PSD3: variants seen among roughly 807,000 people sequenced by gnomAD.
PSD3 encodes the protein pleckstrin and Sec7 domain containing 3, also known as PH and SEC7 domain-containing protein 3.
PSD3 carries 49 observed loss-of-function variants against 105.5 expected under a neutral mutation model. That is an observed-to-expected ratio of 0.46 (90% CI 0.37 to 0.59). The LOEUF (loss-of-function observed/expected upper bound fraction) is 0.59. PSD3 is among the 20% of genes least tolerant of loss of function. The pLI is 0.00. For synonymous variants in PSD3, 557 were observed against 457.8 expected (o/e 1.22, Z -2.77); for missense variants, 1,561 against 1,263.8 (o/e 1.24, Z -3.57).
intron 2 of PSD3, among the ~76,000 whole-genome samples, chr8:18,911,601 G>A (rs1299181253): frequency 2.0e-5 from 3 of 152,182 alleles, no homozygotes; most frequent in Non-Finnish European, 4.4e-5. Context: ...GTTCCTAGCA[G>A]AGTGTCTGTT....
chr8:18,753,283 G>A (rs1052304020), intron 9 of PSD3, among the ~76,000 whole-genome samples: 2 of 151,826 alleles, frequency 1.3e-5, no homozygotes, highest in Non-Finnish European at 2.9e-5. Flanking sequence ...GAACCCAGGA[G>A]GTGGAAGTTG....
chr8:18,539,305 G>C lies in PSD3; in HGVS notation c.2929-3347C>G, dbSNP rs138561409. On this transcript the variant is annotated intron_variant, in intron 15 of 15. Transcript: ENST00000327040. ...ATGATGCTCTGGAGAGCAAGGGCAA[G>C]AAACATAACTGAAATTTCTCTCTTC... Among the ~76,000 whole-genome samples, 1,221 of 152,284 alleles carry C rather than the reference G, an allele frequency of 8.0e-3. 13 individuals are homozygous for C. Among genetic ancestry groups the C allele is most frequent in the Admixed American group, 0.011 (162 of 15,290 alleles).
At chr8:18,812,725 G>A (rs1487752) in intron 4 of PSD3, among the ~76,000 whole-genome samples, 136,346 of 152,254 alleles carry the variant, frequency 0.9, 61,229 homozygotes, top group African/African-American at 0.94. Flanking sequence ...GATGTCCATT[G>A]GCTATCCAAG....
intron 9 of PSD3, among the ~76,000 whole-genome samples, chr8:18,689,308 T>A (rs1476981798): frequency 6.6e-6 from 1 of 152,104 alleles, no homozygotes; most frequent in African/African-American, 2.4e-5. Flanking sequence ...CTTCAGAGTA[T>A]CAATGAACTG....
chr8:18,610,372 T>C (rs28658562), intron 11 of PSD3, among the ~76,000 whole-genome samples: 2,113 of 152,216 alleles, frequency 0.014, 46 homozygotes, highest in African/African-American at 0.048. Context: ...CACTGCTGAG[T>C]GTTCGAACTG....
At chr8:19,022,138 G>A (rs1442728650) in intron 1 of PSD3, among the ~76,000 whole-genome samples, 1 of 152,164 alleles carries the variant, frequency 6.6e-6, no homozygotes, top group Admixed American at 6.5e-5. Context: ...CAGATCTCAT[G>A]TGAACTCAGA....
intron 6 of PSD3, chr8:18,802,296 A>G: frequency 2.5e-6 from 1 of 406,356 alleles, no homozygotes; most frequent in South Asian, 1.8e-5. Flanking sequence ...CACTAAGAGC[A>G]CTGTTTATTT....
chr8:18,571,794 T>C (rs1171593233), intron 14 of PSD3, among the ~76,000 whole-genome samples: 5 of 152,228 alleles, frequency 3.3e-5, no homozygotes, highest in African/African-American at 1.2e-4. Context: ...ACTGTCTCTA[T>C]GTAATAAGAA....
chr8:18,910,431 G>C (rs1820133529), intron 2 of PSD3, among the ~76,000 whole-genome samples: 1 of 110,558 alleles, frequency 9.0e-6, no homozygotes, highest in Non-Finnish European at 1.8e-5. Context: ...GGTGGGAATT[G>C]AACAATGAGA....
chr8:18,927,631 A>G (rs571991162), intron 2 of PSD3, among the ~76,000 whole-genome samples: 5 of 152,220 alleles, frequency 3.3e-5, no homozygotes, highest in Non-Finnish European at 7.4e-5. Flanking sequence ...GTAGCCACTG[A>G]CCCGGGGGCT....
chr8:18,812,226 G>A (rs756256721), intron 4 of PSD3, among the ~76,000 whole-genome samples: 3 of 152,150 alleles, frequency 2.0e-5, no homozygotes. Flanking sequence ...CAGATGATGA[G>A]GAGAGCTGTG....
intron 12 of PSD3, among the ~76,000 whole-genome samples, chr8:18,575,639 G>C (rs1481567726): frequency 6.6e-6 from 1 of 152,172 alleles, no homozygotes; most frequent in Non-Finnish European, 1.5e-5. Context: ...GACCAATAGT[G>C]TGATTTGGTT....
chr8:18,869,175 C>A (rs1005863272), intron 3 of PSD3, among the ~76,000 whole-genome samples: 2 of 147,554 alleles, frequency 1.4e-5, no homozygotes, highest in African/African-American at 2.5e-5. Context: ...ACTCACTGCA[C>A]CCCACTCTCC....
chr8:18,905,454 G>A (rs537213351), intron 2 of PSD3, among the ~76,000 whole-genome samples: 1 of 152,152 alleles, frequency 6.6e-6, no homozygotes, highest in Non-Finnish European at 1.5e-5. Flanking sequence ...CACCTGAGTA[G>A]CTGGGACTAC....
chr8:18,961,627 G>A (rs967173393), intron 1 of PSD3, among the ~76,000 whole-genome samples: 2 of 151,886 alleles, frequency 1.3e-5, no homozygotes, highest in African/African-American at 4.8e-5. Context: ...GGAGGCGGAG[G>A]TTGCAGCGAG....
intron 15 of PSD3, among the ~76,000 whole-genome samples, chr8:18,536,810 G>A (rs1183043850): frequency 6.7e-6 from 1 of 149,918 alleles, no homozygotes; most frequent in African/African-American, 2.5e-5. Flanking sequence ...CATATATGTT[G>A]CAAATTAGAG....
At chr8:18,726,085 CAG>C (rs1803316548) in intron 9 of PSD3, among the ~76,000 whole-genome samples, 1 of 152,150 alleles carries the variant, frequency 6.6e-6, no homozygotes, top group African/African-American at 2.4e-5. Context: ...TATTGAAAGA[CAG>C]AAGACAAACA....
chr8:18,579,128 A>ACACACACACC (rs1193122913), intron 12 of PSD3, among the ~76,000 whole-genome samples: 5 of 151,820 alleles, frequency 3.3e-5, no homozygotes, highest in African/African-American at 1.2e-4. Flanking sequence ...ACACACACAC[A>ACACACACACC]CACACAAAGG....
At chr8:18,590,251 G>GAA (rs1803496758) in intron 12 of PSD3, among the ~76,000 whole-genome samples, 1 of 152,058 alleles carries the variant, frequency 6.6e-6, no homozygotes, top group South Asian at 2.1e-4. Context: ...CCATTCCAAA[G>GAA]CAGTTGATCA....
Sources: gnomAD v4.1 joint callset for allele counts (sites outside exome capture counted in the v4.1 genomes callset) on GRCh38, gnomAD v4.1.1 for gene constraint, MANE v1.5 for transcripts, NCBI Gene and HGNC (gene_info 2026-07-23, HGNC 2026-07-21) for gene names.